Variants in SLC24A2 observed in about 807,000 individuals in gnomAD.
SLC24A2 encodes the protein solute carrier family 24 member 2.
A neutral mutation model predicts 62.0 loss-of-function variants in SLC24A2; 36 were observed. The ratio of observed to expected loss-of-function variants is 0.58; its 90% CI spans 0.44 to 0.77. The LOEUF (loss-of-function observed/expected upper bound fraction) is 0.77. Ranked by LOEUF, SLC24A2 falls within the 30% of genes least tolerant of loss-of-function variation. SLC24A2 has a pLI of 0.00. For missense variants in SLC24A2, 846 were observed against 817.9 expected, an observed-to-expected ratio of 1.03 and a Z score of -0.42; for synonymous variants, 358 against 294.0, an observed-to-expected ratio of 1.22 and a Z score of -2.23.
At chr9:19,955,885 T>C in the SLC24A2 span, among the ~76,000 whole-genome samples, 4 of 152,248 alleles carry the variant, frequency 2.6e-5, no homozygotes, top group Non-Finnish European at 4.4e-5. Context: ...ACCAAACCAG[T>C]ACACTAAATT....
chr9:19,647,357 T>G (rs1365664297), intron 2 of SLC24A2, among the ~76,000 whole-genome samples: 1 of 152,198 alleles, frequency 6.6e-6, no homozygotes, highest in Non-Finnish European at 1.5e-5. Flanking sequence ...GGGTTTCCTA[T>G]GTCTTCTTCA....
At chr9:20,052,744 G>A in the SLC24A2 span, among the ~76,000 whole-genome samples, 125 of 152,298 alleles carry the variant, frequency 8.2e-4, no homozygotes, top group African/African-American at 2.6e-3. Flanking sequence ...CTTCACAGCA[G>A]ACTGTTAAAT....
intron 2 of SLC24A2, among the ~76,000 whole-genome samples, chr9:19,688,658 T>C (rs1322150357): frequency 6.6e-6 from 1 of 152,110 alleles, no homozygotes; most frequent in East Asian, 1.9e-4. Context: ...AAGCAGAATG[T>C]GTTGCTGGTG....
At chr9:20,166,323 C>A in the SLC24A2 span, among the ~76,000 whole-genome samples, 1 of 151,938 alleles carries the variant, frequency 6.6e-6, no homozygotes, top group African/African-American at 2.4e-5. Context: ...TTCATTACAG[C>A]ATTACTTGCA....
chr9:20,027,630 G>A, the SLC24A2 span, among the ~76,000 whole-genome samples: 2 of 152,158 alleles, frequency 1.3e-5, no homozygotes, highest in Admixed American at 6.5e-5. Flanking sequence ...CAGAATGGTG[G>A]TTATTAGAGG....
At chr9:20,246,036 A>C in the SLC24A2 span, among the ~76,000 whole-genome samples, 2 of 152,232 alleles carry the variant, frequency 1.3e-5, no homozygotes, top group Non-Finnish European at 2.9e-5. Flanking sequence ...CTGTTCACAG[A>C]GAAGGAAACA....
At chr9:19,552,303 A>G (rs1834883807) in intron 7 of SLC24A2, among the ~76,000 whole-genome samples, 1 of 152,168 alleles carries the variant, frequency 6.6e-6, no homozygotes, top group African/African-American at 2.4e-5. Context: ...CCAAGGTGTC[A>G]GCTAGCTACG....
chr9:19,582,991 C>T (rs930074049), intron 5 of SLC24A2, among the ~76,000 whole-genome samples: 1 of 152,136 alleles, frequency 6.6e-6, no homozygotes, highest in African/African-American at 2.4e-5. Context: ...CTACCCTCCC[C>T]TCTCCGCCCC....
rs998217420 is a variant in SLC24A2 at position 19,564,460 on chromosome 9, G to A, written c.1347+8891C>T. On this transcript the variant is annotated intron_variant, in intron 7 of 10. Coordinates refer to ENST00000341998, the MANE Select transcript of SLC24A2 (RefSeq NM_020344.4). The stretch of plus-strand genomic sequence containing the variant: ...AATATGGCAAGGTAATATTTGAATT[G>A]TAAAGTAAGAATAAAATCACTTGCA... Among the ~76,000 whole-genome samples the A allele has an allele frequency of 2.6e-4, 39 of 152,192 alleles. 1 individual carries two copies. The highest frequency in any genetic ancestry group is 4.6e-4 in the Admixed American group (7 of 15,280).
At chr9:19,780,701 G>A (rs1480744865) in intron 2 of SLC24A2, among the ~76,000 whole-genome samples, 3 of 151,324 alleles carry the variant, frequency 2.0e-5, no homozygotes, top group South Asian at 2.1e-4. Flanking sequence ...GTGAAACCCC[G>A]TCTCTTCTAA....
At chr9:20,303,984 A>G in the SLC24A2 span, among the ~76,000 whole-genome samples, 1 of 152,226 alleles carries the variant, frequency 6.6e-6, no homozygotes, top group African/African-American at 2.4e-5. Context: ...CAGTGACCAC[A>G]TAAGGTGTAT....
At chr9:19,663,958 G>C (rs1046248758) in intron 2 of SLC24A2, among the ~76,000 whole-genome samples, 1 of 152,202 alleles carries the variant, frequency 6.6e-6, no homozygotes, top group Non-Finnish European at 1.5e-5. Flanking sequence ...GTGGATGGAC[G>C]AAAGCAAAAG....
chr9:20,097,706 C>T, the SLC24A2 span, among the ~76,000 whole-genome samples: 5 of 118,500 alleles, frequency 4.2e-5, no homozygotes, highest in South Asian at 1.2e-3. Flanking sequence ...TCCAGGGTTT[C>T]AGAATCTTAA....
chr9:19,966,528 A>C, the SLC24A2 span, among the ~76,000 whole-genome samples: 11 of 152,358 alleles, frequency 7.2e-5, no homozygotes, highest in East Asian at 2.1e-3. Flanking sequence ...TCTTAAACAG[A>C]GAAAAATAAT....
the SLC24A2 span, among the ~76,000 whole-genome samples, chr9:19,910,528 G>C: frequency 2.0e-5 from 3 of 151,948 alleles, no homozygotes; most frequent in Non-Finnish European, 4.4e-5. Context: ...GTTCCTCAGT[G>C]GGGCCTCATA....
the SLC24A2 span, among the ~76,000 whole-genome samples, chr9:20,064,299 G>A: frequency 2.6e-5 from 4 of 152,202 alleles, no homozygotes; most frequent in African/African-American, 9.6e-5. Context: ...TAGATCAATG[G>A]TTGCTGGGGC....
At chr9:19,729,013 T>C (rs1171709396) in intron 2 of SLC24A2, among the ~76,000 whole-genome samples, 3 of 152,326 alleles carry the variant, frequency 2.0e-5, no homozygotes, top group East Asian at 3.9e-4. Context: ...ACAATCTTAA[T>C]GCCCATCGTT....
chr9:19,991,043 T>C, the SLC24A2 span, among the ~76,000 whole-genome samples: 5 of 70,254 alleles, frequency 7.1e-5, no homozygotes, highest in East Asian at 1.2e-3. Flanking sequence ...CACACATACA[T>C]ACATACATAC....
intron 2 of SLC24A2, among the ~76,000 whole-genome samples, chr9:19,670,760 A>G (rs1359710430): frequency 6.6e-6 from 1 of 152,180 alleles, no homozygotes; most frequent in East Asian, 1.9e-4. Flanking sequence ...CAGGGTAAGG[A>G]TAATTGTTCC....
Sources: gnomAD v4.1 joint callset for allele counts (sites outside exome capture counted in the v4.1 genomes callset) on GRCh38, gnomAD v4.1.1 for gene constraint, MANE v1.5 for transcripts, NCBI Gene and HGNC (gene_info 2026-07-23, HGNC 2026-07-21) for gene names.